Variants in TMEM245 observed in about 807,000 individuals in gnomAD.
TMEM245 encodes the protein protein CG-2.
TMEM245 carries 69 observed loss-of-function variants against 101.2 expected under a neutral mutation model. The ratio of observed to expected loss-of-function variants is 0.68; its 90% CI spans 0.56 to 0.83. The LOEUF is 0.83. Among genes scored for constraint, TMEM245 ranks in the 40% least tolerant of loss-of-function variants. The pLI is 0.00. For missense variants in TMEM245, 1,075 were observed against 1,092.8 expected (o/e 0.98, Z 0.23); for synonymous variants, 537 against 449.8 (o/e 1.19, Z -2.45).
intron 17 of TMEM245, among the ~76,000 whole-genome samples, chr9:109,030,496 T>G (rs1198774526): frequency 6.6e-6 from 1 of 152,246 alleles, no homozygotes; most frequent in Admixed American, 6.5e-5. Context: ...CTTGAAATCA[T>G]TAAGTTTTTC....
chr9:109,109,684 AG>A (rs1830518687), intron 1 of TMEM245, among the ~76,000 whole-genome samples: 1 of 152,186 alleles, frequency 6.6e-6, no homozygotes, highest in Non-Finnish European at 1.5e-5. Flanking sequence ...TTAAATATAA[AG>A]AAGCTCATCA....
intron 15 of TMEM245, among the ~76,000 whole-genome samples, chr9:109,036,671 T>C (rs751909990): frequency 3.3e-5 from 5 of 152,188 alleles, no homozygotes; most frequent in Non-Finnish European, 7.3e-5. Flanking sequence ...TATCAATCAA[T>C]AGTTAATATA....
chr9:109,115,357 G>C (rs546009537), intron 1 of TMEM245, among the ~76,000 whole-genome samples: 3 of 150,428 alleles, frequency 2.0e-5, no homozygotes, highest in Non-Finnish European at 4.4e-5. Flanking sequence ...AATATAAGAA[G>C]AAAAAAGAAA....
chr9:109,046,328 G>T (rs188029320), intron 14 of TMEM245: 203 of 533,832 alleles, frequency 3.8e-4, no homozygotes, highest in East Asian at 2.3e-3. Flanking sequence ...GAGCATCAGG[G>T]AAGAAGGGTG....
Position 109,050,685 on chromosome 9 carries a change from T to TC in TMEM245, c.1861dup (p.Glu621GlyfsTer54). ...CCGGCTCATAACGATCCACAGAGAC[T>TC]CCAAGATCTGACGAGGAAGGAAAGC... On this transcript the variant is annotated frameshift_variant, in exon 13 of 18. Transcript: ENST00000374586. LOFTEE classifies it high-confidence loss of function. The TC allele has an allele frequency of 6.2e-7, 1 of 1,611,922 alleles. No homozygotes were observed. The highest frequency in any genetic ancestry group is 8.5e-7 in the Non-Finnish European group (1 of 1,179,630).
intron 14 of TMEM245, 98 bp from the exon 15 acceptor site, chr9:109,038,215 C>T (rs1828197113): frequency 9.9e-6 from 8 of 808,566 alleles, no homozygotes; most frequent in Non-Finnish European, 1.1e-5. Context: ...CATGTAATAG[C>T]TTCAGTTTTT....
chr9:109,115,228 T>C lies in TMEM245; in HGVS notation c.579+4107A>G, dbSNP rs76109160. Among the ~76,000 whole-genome samples the C allele has an allele frequency of 5.5e-4, 83 of 152,164 alleles. No individual in the cohort carries two copies. The East Asian group carries it at 0.015, about 27-fold the overall frequency. On this transcript the variant is annotated intron_variant, in intron 1 of 17. Coordinates refer to ENST00000374586, the MANE Select transcript of TMEM245 (RefSeq NM_032012.4). ...AGCCGGGCGTGGTGGGTGCCTGTAATCCCAGCTACTTGGGAGGCTGAAGCA... is the reference window on the plus strand; with the variant it reads ...AGCCGGGCGTGGTGGGTGCCTGTAACCCCAGCTACTTGGGAGGCTGAAGCA...
chr9:109,031,547 A>G (rs986575124), intron 17 of TMEM245, among the ~76,000 whole-genome samples: 6 of 152,214 alleles, frequency 3.9e-5, no homozygotes, highest in Non-Finnish European at 7.3e-5. Flanking sequence ...TTTTATATGA[A>G]GTTCAAAAAC....
In TMEM245 at chr9:109,108,447, A is replaced by G; in HGVS notation, c.697+6T>C. On this transcript the variant is annotated splice_donor_region_variant and intron_variant, in intron 2 of 17. Transcript: ENST00000374586. ...AAAAAAAAAAAAAAAAAAAGAAGGAACCCACCTAAATGAAAAAGCAATATA... is the reference window on the plus strand; with the variant it reads ...AAAAAAAAAAAAAAAAAAAGAAGGAGCCCACCTAAATGAAAAAGCAATATA... 1 of 1,444,786 alleles carries G rather than the reference A, an allele frequency of 6.9e-7. No homozygotes were observed. The allele number at this position is 1,444,786 out of a possible 1,614,324, so 89.5% of individuals were successfully genotyped here.
intron 10 of TMEM245, among the ~76,000 whole-genome samples, chr9:109,061,152 C>A (rs1828999407): frequency 1.3e-5 from 2 of 152,112 alleles, no homozygotes; most frequent in South Asian, 2.1e-4. Context: ...CCCATCTTTA[C>A]AAAAATACAA....
At chr9:109,108,296 A>G (rs1798282182) in intron 2 of TMEM245, among the ~76,000 whole-genome samples, 157 bp downstream of exon 2, 1 of 152,176 alleles carries the variant, frequency 6.6e-6, no homozygotes, top group Non-Finnish European at 1.5e-5. Context: ...ATTTTCATTA[A>G]AATTTAATGA....
At chr9:109,090,827 G>A (rs1033760065) in intron 5 of TMEM245, 95 bp downstream of exon 5, 74 of 1,107,328 alleles carry the variant, frequency 6.7e-5, no homozygotes, top group Non-Finnish European at 9.0e-5. Flanking sequence ...TTTGCAAGAC[G>A]GTAAATGTAT....
intron 14 of TMEM245, among the ~76,000 whole-genome samples, chr9:109,044,162 T>C (rs566348624): frequency 1.3e-5 from 2 of 152,330 alleles, no homozygotes; most frequent in South Asian, 4.1e-4. Flanking sequence ...CGTTTCCTGA[T>C]ACTTAACTTT....
intron 14 of TMEM245, among the ~76,000 whole-genome samples, chr9:109,041,915 C>A (rs1828321314): frequency 6.6e-6 from 1 of 152,048 alleles, no homozygotes; most frequent in African/African-American, 2.4e-5. Context: ...TGGATCGCTA[C>A]AGCCCAGGAG....
In TMEM245 at chr9:109,119,350, G is replaced by A. The variant is rs1415949695; in HGVS notation, c.564C>T (p.Tyr188=). ...GCTCACTCACCCACAGGCTGCTGAA[G>A]TAGTCCAGCCCGCGGCAGATGAGCG... ...AATLICRGLD[Y]FSSLWIWTLV... The change falls in exon 1 of 18, where the codon TAC becomes TAT. Residue 188 remains tyrosine (Y), a synonymous_variant. Transcript: ENST00000374586. The A allele has an allele frequency of 6.5e-6, 10 of 1,531,598 alleles. No homozygotes were observed. Among genetic ancestry groups the A allele is most frequent in the East Asian group, 2.5e-5 (1 of 39,554 alleles). The allele number at this position is 1,531,598 out of a possible 1,614,324, so 94.9% of individuals were successfully genotyped here.
At chr9:109,090,573 A>G (rs1413354585) in intron 5 of TMEM245, among the ~76,000 whole-genome samples, 1 of 151,830 alleles carries the variant, frequency 6.6e-6, no homozygotes, top group Non-Finnish European at 1.5e-5. Flanking sequence ...ATAAAAAAAA[A>G]ATTAGCCGGG....
chr9:109,044,252 C>T (rs576549757), intron 14 of TMEM245, among the ~76,000 whole-genome samples: 2 of 152,224 alleles, frequency 1.3e-5, no homozygotes, highest in African/African-American at 4.8e-5. Context: ...AATAACAAGA[C>T]AATTCAGGAT....
At chr9:109,062,608 C>T (rs896897119) in intron 10 of TMEM245, among the ~76,000 whole-genome samples, 2 of 152,204 alleles carry the variant, frequency 1.3e-5, no homozygotes, top group African/African-American at 4.8e-5. Context: ...TCAATGCAAA[C>T]GTATCTGTTC....
rs370488037 is a variant in TMEM245 at position 109,068,535 on chromosome 9, CT to C, written c.1533-3969del. 9.2e-4 allele frequency among the ~76,000 whole-genome samples: 139 copies of C among 151,152 alleles called. 3 individuals carry two copies. The South Asian group carries it at 0.026, about 28-fold the overall frequency. On this transcript the variant is annotated intron_variant, in intron 9 of 17. Transcript: ENST00000374586. ...GCGTACATGACTGTAATTCCGGCTACTTGGGAGGCACAGGAATCGCTTGAAC... is the reference window on the plus strand; with the variant it reads ...GCGTACATGACTGTAATTCCGGCTACTGGGAGGCACAGGAATCGCTTGAAC...
Sources: allele counts gnomAD v4.1 joint callset (sites outside exome capture counted in the v4.1 genomes callset), GRCh38; gene constraint gnomAD v4.1.1; transcripts MANE v1.5; gene names NCBI Gene and HGNC (gene_info 2026-07-23, HGNC 2026-07-21).